The following ERG variants were observed in gnomAD, a reference collection of about 807,000 sequenced individuals.
ERG encodes the protein transcriptional regulator ERG.
In ERG, 9 loss-of-function variants were observed where a neutral mutation model predicts 55.3. That is an observed-to-expected ratio of 0.16 (90% confidence interval 0.10 to 0.28). The LOEUF (loss-of-function observed/expected upper bound fraction) is 0.28, where lower values mean the gene tolerates loss of function less well. ERG is among the 10% of genes least tolerant of loss of function. The pLI, the probability that ERG is intolerant of heterozygous loss-of-function variation, is 1.00. For synonymous variants in ERG, 223 were observed against 237.3 expected (o/e 0.94, Z 0.55); for missense variants, 434 against 631.6 (o/e 0.69, Z 3.35).
At chr21:38,656,060 C>G (rs2060517039) in intron 1 of ERG, among the ~76,000 whole-genome samples, 1 of 152,134 alleles carries the variant, frequency 6.6e-6, no homozygotes. Flanking sequence ...AACCACTGCC[C>G]CTGCAGAGGC....
In ERG at chr21:38,382,386, CA is replaced by C. The variant is rs1179573764; in HGVS notation, c.*1016del. ...ATCTCTTACCTGACCCTGTGGAGAA[CA>C]AAGCCCCCACATAATGATGAGGTCC... On this transcript the variant is annotated 3_prime_UTR_variant, in exon 10 of 10. Coordinates refer to ENST00000288319, the MANE Select transcript of ERG (RefSeq NM_182918.4). The C allele has an allele frequency of 2.5e-5, 26 of 1,060,354 alleles. No homozygotes were observed. The African/African-American group carries it at 3.8e-4, about 15-fold the overall frequency. The allele number at this position is 1,060,354 out of a possible 1,614,324, so 65.7% of individuals were successfully genotyped here. A position where few individuals can be genotyped will look rare whatever the true frequency, so the allele number is the denominator to read the frequency against.
At chr21:38,451,076 T>C in intron 1 of ERG, 1 of 442,668 alleles carries the variant, frequency 2.3e-6, no homozygotes, top group Admixed American at 2.5e-5. Flanking sequence ...CACGGTGGAG[T>C]GTTTTGGTGC....
At chr21:38,578,281 T>G (rs186550957) in intron 1 of ERG, among the ~76,000 whole-genome samples, 1 of 152,180 alleles carries the variant, frequency 6.6e-6, no homozygotes, top group East Asian at 1.9e-4. Context: ...CACAGGTCAT[T>G]GAAACACCCT....
At chr21:38,519,627 C>A (rs186633559) in intron 2 of ERG, among the ~76,000 whole-genome samples, 223 of 152,202 alleles carry the variant, frequency 1.5e-3, no homozygotes, top group African/African-American at 5.3e-3. Context: ...ACTCCCAGGA[C>A]AAGAGGAGCA....
Position 38,380,171 on chromosome 21 carries a change from T to C in ERG, c.*3232A>G, listed in dbSNP as rs754521150. The C allele has an allele frequency of 3.8e-6, 4 of 1,046,008 alleles. No individual in the cohort carries two copies. The highest frequency in any genetic ancestry group is 4.6e-6 in the Non-Finnish European group (4 of 867,272). The allele number at this position is 1,046,008 out of a possible 1,614,324, so 64.8% of individuals were successfully genotyped here. ...CTCTTTCTCCAGGCAATGGGTCACT[T>C]TGGGGCGCTGCAGAACATCTGTGCT... On this transcript the variant is annotated 3_prime_UTR_variant, in exon 10 of 10. Coordinates refer to ENST00000288319, the MANE Select transcript of ERG (RefSeq NM_182918.4).
At chr21:38,513,294 T>C (rs1022999626) in intron 2 of ERG, among the ~76,000 whole-genome samples, 1 of 150,750 alleles carries the variant, frequency 6.6e-6, no homozygotes, top group African/African-American at 2.4e-5. Context: ...TGAAACTTGT[T>C]AAAAAAAAAG....
chr21:38,377,156 C>G (rs1987265037), downstream of ERG, among the ~76,000 whole-genome samples: 1 of 152,226 alleles, frequency 6.6e-6, no homozygotes, highest in Admixed American at 6.5e-5. Flanking sequence ...AAAACTATCT[C>G]AAAGCGGTAT....
chr21:38,468,563 C>T (rs1369673045), intron 1 of ERG, among the ~76,000 whole-genome samples: 1 of 152,096 alleles, frequency 6.6e-6, no homozygotes, highest in African/African-American at 2.4e-5. Flanking sequence ...CATGTGACAG[C>T]AGAGGAAAGA....
At chr21:38,424,804 G>A (rs1989744370) in intron 2 of ERG, among the ~76,000 whole-genome samples, 1 of 152,110 alleles carries the variant, frequency 6.6e-6, no homozygotes, top group Non-Finnish European at 1.5e-5. Context: ...GAAGGGTGAG[G>A]ACTGACGCTA....
intron 3 of ERG, among the ~76,000 whole-genome samples, chr21:38,406,491 AGTTCTCTTTACCTTTG>A (rs1156279723): frequency 6.6e-6 from 1 of 152,136 alleles, no homozygotes; most frequent in African/African-American, 2.4e-5. Flanking sequence ...TCTTAGGGCA[AGTTCTCTTTACCTTTG>A]GTTCTGTGCA....
At chr21:38,513,938 A>G (rs1421742079) in intron 2 of ERG, among the ~76,000 whole-genome samples, 1 of 152,060 alleles carries the variant, frequency 6.6e-6, no homozygotes, top group African/African-American at 2.4e-5. Context: ...GTCAACAATA[A>G]AAAGGGGGCT....
intron 3 of ERG, among the ~76,000 whole-genome samples, chr21:38,408,969 T>A (rs1004160074): frequency 2.0e-5 from 3 of 152,356 alleles, no homozygotes; most frequent in East Asian, 3.8e-4. Flanking sequence ...GACCTCATTT[T>A]TCTCTTCTGT....
At chr21:38,458,898 A>G (rs773979887) in intron 1 of ERG, among the ~76,000 whole-genome samples, 31 of 152,162 alleles carry the variant, frequency 2.0e-4, no homozygotes, top group Admixed American at 6.5e-5. Flanking sequence ...GGTTCCCTCA[A>G]ACATTCACTC....
chr21:38,640,593 T>C (rs190781213), intron 1 of ERG, among the ~76,000 whole-genome samples: 1 of 152,324 alleles, frequency 6.6e-6, no homozygotes, highest in East Asian at 1.9e-4. Context: ...CCCCTTTCAC[T>C]TGGCTCTGAT....
intron 3 of ERG, among the ~76,000 whole-genome samples, chr21:38,414,300 C>T (rs1989186168): frequency 6.6e-6 from 1 of 152,206 alleles, no homozygotes; most frequent in Non-Finnish European, 1.5e-5. Flanking sequence ...TTATTAGGCT[C>T]ACCCTAATGA....
chr21:38,623,321 C>CCA (rs5843921), intron 1 of ERG, among the ~76,000 whole-genome samples: 1,531 of 148,332 alleles, frequency 0.01, 10 homozygotes, highest in African/African-American at 0.015. Context: ...CACATACGCA[C>CCA]CACACACACA....
At position 38,380,746 on chromosome 21, in the gene ERG, C is replaced by G; in HGVS notation, c.*2657G>C. 9.4e-7 allele frequency: 1 copy of G among 1,065,090 alleles called. No homozygotes were observed. The highest frequency in any genetic ancestry group is 1.1e-6 in the Non-Finnish European group (1 of 879,198). 66.0% of individuals were successfully genotyped at this position (1,065,090 alleles called of 1,614,324 possible). A position where few individuals can be genotyped will look rare whatever the true frequency, so the allele number is the denominator to read the frequency against. On this transcript the variant is annotated 3_prime_UTR_variant, in exon 10 of 10. Transcript: ENST00000288319. ...GTTGCTCATAAGACTTGCTAATAACCTGGACTGGGGGTGGAGGGTTGAGGG... is the reference window on the plus strand; with the variant it reads ...GTTGCTCATAAGACTTGCTAATAACGTGGACTGGGGGTGGAGGGTTGAGGG...
At position 38,528,433 on chromosome 21, in the gene ERG, C is replaced by CTTTTTTTTTTTTTTTTTTT. The variant is rs869069278; in HGVS notation, c.-41+47210_-41+47228dup. Among the ~76,000 whole-genome samples, 2 of 23,506 alleles carry CTTTTTTTTTTTTTTTTTTT rather than the reference C, an allele frequency of 8.5e-5. 1 individual carries two copies. The allele number at this position is 23,506 out of a possible 152,430, so 15.4% of individuals were successfully genotyped here. On this transcript the variant is annotated intron_variant, in intron 2 of 8. Transcript: ENST00000398897. Reference sequence around the variant, plus strand: ...TTATACATTAGGAAGCCATAGCAAACTTTTTTTTTTTTTTTTTTTTTTTTT... The same window carrying CTTTTTTTTTTTTTTTTTTT: ...TTATACATTAGGAAGCCATAGCAAACTTTTTTTTTTTTTTTTTTTTTTTTTTTTTTTTTTTTTTTTTTTT...
chr21:38,534,929 T>C (rs919711191), intron 2 of ERG, among the ~76,000 whole-genome samples: 21 of 152,276 alleles, frequency 1.4e-4, no homozygotes, highest in African/African-American at 4.1e-4. Context: ...TAGATGAATC[T>C]TTTTTTAAAT....
Sources: allele counts gnomAD v4.1 joint callset (sites outside exome capture counted in the v4.1 genomes callset), GRCh38; gene constraint gnomAD v4.1.1; transcripts MANE v1.5; gene names NCBI Gene and HGNC (gene_info 2026-07-23, HGNC 2026-07-21).